Variants in ATP8B1 observed in about 807,000 individuals in gnomAD.
ATP8B1 encodes the protein ATPase phospholipid transporting 8B1, also known as phospholipid-transporting ATPase IC.
Under a neutral mutation model 149.9 loss-of-function variants are expected in ATP8B1, and 80 were observed. That is an observed-to-expected ratio of 0.53 (90% confidence interval 0.45 to 0.64). The LOEUF (loss-of-function observed/expected upper bound fraction) is 0.64, where lower values mean the gene tolerates loss of function less well. Ranked by LOEUF, ATP8B1 falls within the 30% of genes least tolerant of loss-of-function variation. The probability of loss-of-function intolerance (pLI) is 0.00; values close to 1 mark genes in which losing one functional copy is unlikely to be tolerated. For missense variants in ATP8B1, 1,247 were observed against 1,552.6 expected (o/e 0.80, Z 3.31); for synonymous variants, 536 against 562.8 (o/e 0.95, Z 0.67).
At chr18:57,741,916 C>T (rs1314633326) in intron 1 of ATP8B1, among the ~76,000 whole-genome samples, 1 of 152,188 alleles carries the variant, frequency 6.6e-6, no homozygotes, top group Admixed American at 6.5e-5. Flanking sequence ...GTCACCCAGG[C>T]TGGAGTCCAG....
chr18:57,762,146 T>A (rs879628253), intron 1 of ATP8B1, among the ~76,000 whole-genome samples: 1,609 of 150,886 alleles, frequency 0.011, 17 homozygotes, highest in Middle Eastern at 0.02. Context: ...TATATATTTT[T>A]TTTTTCTTTT....
intron 3 of ATP8B1, 123 bp from the exon 4 acceptor site, chr18:57,704,791 T>A (rs373518016): frequency 6.8e-6 from 5 of 730,250 alleles, no homozygotes; most frequent in Non-Finnish European, 9.6e-6. Flanking sequence ...CAGAAAGATA[T>A]TGAGGATTTT....
At chr18:57,713,199 C>CTTTATTT (rs748974327) in intron 2 of ATP8B1, among the ~76,000 whole-genome samples, 33 of 64,142 alleles carry the variant, frequency 5.1e-4, no homozygotes, top group Non-Finnish European at 9.1e-4. Context: ...TTCTTTCTTT[C>CTTTATTT]CTTCCTTCCT....
intron 1 of ATP8B1, among the ~76,000 whole-genome samples, chr18:57,743,494 T>G (rs1248854387): frequency 6.6e-6 from 1 of 152,214 alleles, no homozygotes; most frequent in Non-Finnish European, 1.5e-5. Context: ...CTTCCCAATG[T>G]ATGCCGCTGA....
At chr18:57,771,672 T>C (rs1000802753) in intron 1 of ATP8B1, among the ~76,000 whole-genome samples, 1 of 152,184 alleles carries the variant, frequency 6.6e-6, no homozygotes, top group African/African-American at 2.4e-5. Flanking sequence ...GGTCTAAATT[T>C]TACTGTAATC....
intron 6 of ATP8B1, among the ~76,000 whole-genome samples, chr18:57,699,953 ATGGCC>A (rs1913037886): frequency 1.3e-5 from 2 of 152,198 alleles, no homozygotes; most frequent in Admixed American, 6.5e-5. Flanking sequence ...TGGCAGGGCC[ATGGCC>A]TGAGCAGCCC....
chr18:57,768,261 C>T (rs959001943), intron 1 of ATP8B1, among the ~76,000 whole-genome samples: 3 of 151,486 alleles, frequency 2.0e-5, no homozygotes, highest in Non-Finnish European at 4.4e-5. Flanking sequence ...GTGGGGGGCA[C>T]CTGTAGTCCC....
At chr18:57,728,484 A>G (rs2079729595) in intron 2 of ATP8B1, among the ~76,000 whole-genome samples, 1 of 152,138 alleles carries the variant, frequency 6.6e-6, no homozygotes, top group South Asian at 2.1e-4. Context: ...GGAAAGAAGG[A>G]GAGCAGACTG....
At position 57,731,639 on chromosome 18, in the gene ATP8B1, G is replaced by T; in HGVS notation, c.169C>A (p.Pro57Thr). Residue 57 changes from proline to threonine, a missense_variant, in exon 2 of 28, where the codon CCA (proline) becomes ACA (threonine). By Grantham distance (38) the Pro-to-Thr change is conservative. This residue lies in a region of ATP8B1 where 853 missense variants were observed against 1,035.7 expected (regional missense o/e 0.82). Transcript: ENST00000648908. Reference sequence around the variant, plus strand: ...TTCATGTGGTTACCTTTTCTGAATGGCTCCCGGTTCTCCTCTGCTTCCCTG... The same window carrying T: ...TTCATGTGGTTACCTTTTCTGAATGTCTCCCGGTTCTCCTCTGCTTCCCTG... ...VNREAEENRE[P>T]FRKECTWQVK... 1 of 1,613,946 alleles carries T rather than the reference G, an allele frequency of 6.2e-7. No homozygotes were observed. Among genetic ancestry groups the T allele is most frequent in the Non-Finnish European group, 8.5e-7 (1 of 1,179,984 alleles).
chr18:57,662,670 A>C, intron 20 of ATP8B1, 55 bp from the exon 21 acceptor site: 1 of 1,586,672 alleles, frequency 6.3e-7, no homozygotes, highest in Non-Finnish European at 8.6e-7. Flanking sequence ...TAGGCCCTTG[A>C]CTCTGAGATA....
chr18:57,716,435 AG>A (rs1465969325), intron 2 of ATP8B1, among the ~76,000 whole-genome samples: 1 of 152,044 alleles, frequency 6.6e-6, no homozygotes, highest in African/African-American at 2.4e-5. Flanking sequence ...AAAAAGACCC[AG>A]TGATCTGTTG....
intron 22 of ATP8B1, among the ~76,000 whole-genome samples, chr18:57,660,771 C>T (rs989883418): frequency 2.0e-5 from 3 of 152,176 alleles, no homozygotes; most frequent in African/African-American, 7.2e-5. Context: ...CCTGCCTCGG[C>T]TTCCCAAAAT....
At chr18:57,713,216 CTTCCTTCCTTCCTTCCTTCCTTCCTTCT>C (rs1913802450) in intron 2 of ATP8B1, among the ~76,000 whole-genome samples, 1 of 98,602 alleles carries the variant, frequency 1.0e-5, no homozygotes. Context: ...TCCTTCCTTC[CTTCCTTCCTTCCTTCCTTCCTTCCTTCT>C]TTCTTTCTTT....
chr18:57,691,982 T>C lies in ATP8B1; in HGVS notation c.1045A>G (p.Ile349Val), dbSNP rs976429827. ...ATGGCAAGACCAGCAGAAAGCAGAA[T>C]AAGAACAACAAAGATCTAGAAGACA... is the stretch of plus-strand genomic sequence containing the variant. ...YMVYTIFVVL[I>V]LLSAGLAIGH... Residue 349 changes from isoleucine (I) to valine (V), a missense_variant, in exon 12 of 28, where the codon ATT becomes GTT. Physicochemically the swap from Ile to Val is conservative, Grantham distance 29. Coordinates refer to ENST00000648908, the MANE Select transcript of ATP8B1 (RefSeq NM_001374385.1). 6.2e-7 allele frequency: 1 copy of C among 1,613,522 alleles called. No individual in the cohort carries two copies. The highest frequency in any genetic ancestry group is 1.3e-5 in the African/African-American group (1 of 74,996).
At chr18:57,707,895 G>C (rs1348731356) in intron 2 of ATP8B1, among the ~76,000 whole-genome samples, 36 of 151,552 alleles carry the variant, frequency 2.4e-4, no homozygotes, top group Admixed American at 2.3e-3. Flanking sequence ...GGTGGCTCAT[G>C]CCTGTAATCC....
chr18:57,797,703 C>CTTTTT lies in ATP8B1; in HGVS notation c.-26+5290_-26+5294dup, dbSNP rs59261353. Among the ~76,000 whole-genome samples, 157 of 96,274 alleles carry CTTTTT rather than the reference C, an allele frequency of 1.6e-3. 3 individuals are homozygous for CTTTTT. The highest frequency in any genetic ancestry group is 2.0e-3 in the Non-Finnish European group (101 of 50,680). 63.2% of individuals were successfully genotyped at this position (96,274 alleles called of 152,430 possible). On this transcript the variant is annotated intron_variant, in intron 1 of 27. Transcript: ENST00000648908. Reference sequence around the variant, plus strand: ...GACACCTGATCTGCTTTCTTTCTTTCTTTTTTTTTTTTTTTTTTTTTTGAG... The same window carrying CTTTTT: ...GACACCTGATCTGCTTTCTTTCTTTCTTTTTTTTTTTTTTTTTTTTTTTTTTTGAG...
rs79009229 is a variant in ATP8B1 at position 57,782,803 on chromosome 18, C to CTTTTTTTTTT, written c.-26+20185_-26+20194dup. On this transcript the variant is annotated intron_variant, in intron 1 of 27. Transcript: ENST00000648908. ...GGCTCAGATTAATTCTAGTTTGTCT[C>CTTTTTTTTTT]TTTTTTTTTTTTTTTTTTTTTTTTT... Among the ~76,000 whole-genome samples the CTTTTTTTTTT allele has an allele frequency of 6.3e-3, 571 of 91,076 alleles. 91 individuals carry two copies. The highest frequency in any genetic ancestry group is 0.015 in the African/African-American group (313 of 20,474). The allele number at this position is 91,076 out of a possible 152,430, so 59.7% of individuals were successfully genotyped here. A position where few individuals can be genotyped will look rare whatever the true frequency, so the allele number is the denominator to read the frequency against.
At chr18:57,668,579 C>G (rs1386922018) in intron 18 of ATP8B1, 39 bp from the exon 19 acceptor site, 2 of 792,810 alleles carry the variant, frequency 2.5e-6, no homozygotes, top group South Asian at 1.6e-5. Flanking sequence ...AAGGAATTAG[C>G]AAACAAACCA....
chr18:57,696,822 A>C (rs1450606925), intron 8 of ATP8B1, among the ~76,000 whole-genome samples: 1 of 152,100 alleles, frequency 6.6e-6, no homozygotes, highest in Non-Finnish European at 1.5e-5. Context: ...TAGAGGATTA[A>C]ATGAGCTAAT....
Sources: gnomAD v4.1 joint callset for allele counts (sites outside exome capture counted in the v4.1 genomes callset) on GRCh38, gnomAD v4.1.1 for gene constraint, gnomAD v4.1.1 regional missense constraint, MANE v1.5 for transcripts, NCBI Gene and HGNC (gene_info 2026-07-23, HGNC 2026-07-21) for gene names.